PLPP1: variants seen among roughly 807,000 people sequenced by gnomAD.
PLPP1 encodes lipid phosphate phosphohydrolase 1a.
A neutral mutation model predicts 31.2 loss-of-function variants in PLPP1; 24 were observed. That is an observed-to-expected ratio of 0.77 (90% CI 0.56 to 1.08). The LOEUF (loss-of-function observed/expected upper bound fraction) is 1.08, where lower values mean the gene tolerates loss of function less well. Among genes scored for constraint, PLPP1 ranks in the 50% least tolerant of loss-of-function variants. The pLI is 0.00. For synonymous variants in PLPP1, 146 were observed against 126.3 expected (o/e 1.16, Z -1.05); for missense variants, 319 against 342.7 (o/e 0.93, Z 0.55).
chr5:55,453,308 G>T (rs1751933504), intron 3 of PLPP1, among the ~76,000 whole-genome samples: 1 of 152,128 alleles, frequency 6.6e-6, no homozygotes, highest in Non-Finnish European at 1.5e-5. Flanking sequence ...AAGCCACTAA[G>T]TTATCTAATT....
chr5:55,501,918 C>T (rs1056785993), intron 1 of PLPP1, among the ~76,000 whole-genome samples: 1 of 151,608 alleles, frequency 6.6e-6, no homozygotes, highest in Non-Finnish European at 1.5e-5. Flanking sequence ...GGGATAAATA[C>T]AAGCCATAAC....
intron 3 of PLPP1, among the ~76,000 whole-genome samples, chr5:55,447,186 C>A (rs987446214): frequency 6.6e-6 from 1 of 152,194 alleles, no homozygotes; most frequent in Admixed American, 6.5e-5. Context: ...GAAATAGAAG[C>A]AGGCTTTTTT....
At chr5:55,533,178 G>A (rs1210656770) in intron 1 of PLPP1, among the ~76,000 whole-genome samples, 2 of 151,914 alleles carry the variant, frequency 1.3e-5, no homozygotes, top group Non-Finnish European at 2.9e-5. Flanking sequence ...GAGGTCAGGA[G>A]TTCGAGACCA....
chr5:55,485,397 C>T (rs1474563532), intron 1 of PLPP1, among the ~76,000 whole-genome samples: 1 of 152,058 alleles, frequency 6.6e-6, no homozygotes, highest in Non-Finnish European at 1.5e-5. Context: ...TAGTCAGCTA[C>T]GTAGACTGCT....
At chr5:55,469,897 T>C (rs1399913535) in intron 2 of PLPP1, among the ~76,000 whole-genome samples, 1 of 152,196 alleles carries the variant, frequency 6.6e-6, no homozygotes, top group African/African-American at 2.4e-5. Flanking sequence ...AAACCTCATA[T>C]CACCAGAGTG....
At chr5:55,432,826 G>C (rs1467350887) in intron 4 of PLPP1, among the ~76,000 whole-genome samples, 1 of 151,292 alleles carries the variant, frequency 6.6e-6, no homozygotes, top group African/African-American at 2.4e-5. Context: ...CCTGTCCACA[G>C]GAACTACGCA....
intron 1 of PLPP1, chr5:55,530,197 A>G (rs1579990250): frequency 1.5e-6 from 2 of 1,344,922 alleles, no homozygotes; most frequent in African/African-American, 1.4e-5. Context: ...GCAGTTTGAC[A>G]TTGAGTTTCT....
At position 55,463,856 on chromosome 5, in the gene PLPP1, C is replaced by G. The variant is rs546142788; in HGVS notation, c.491+4013G>C. Among the ~76,000 whole-genome samples the G allele has an allele frequency of 2.0e-5, 3 of 151,010 alleles. No homozygotes were observed. In the East Asian group the frequency reaches 5.8e-4, roughly 29 times the overall value. ...AAATAAGAAAATACATAGCAAGCCACAGATTGAGAGAAAATATTTTCAAAA... is the reference window on the plus strand; with the variant it reads ...AAATAAGAAAATACATAGCAAGCCAGAGATTGAGAGAAAATATTTTCAAAA... On this transcript the variant is annotated intron_variant, in intron 3 of 5. Transcript: ENST00000307259.
chr5:55,437,812 TG>T (rs2111694771), intron 4 of PLPP1, among the ~76,000 whole-genome samples: 1 of 152,354 alleles, frequency 6.6e-6, no homozygotes, highest in South Asian at 2.1e-4. Context: ...TCGTAGGCTA[TG>T]GGCCATGAGT....
chr5:55,430,664 G>A (rs367750791), intron 4 of PLPP1, among the ~76,000 whole-genome samples: 1 of 152,068 alleles, frequency 6.6e-6, no homozygotes, highest in South Asian at 2.1e-4. Flanking sequence ...ACCGAAATAC[G>A]GATTCAAGAA....
intron 4 of PLPP1, among the ~76,000 whole-genome samples, chr5:55,438,073 G>C (rs766020587): frequency 6.6e-6 from 1 of 152,164 alleles, no homozygotes; most frequent in Non-Finnish European, 1.5e-5. Context: ...ATAGATACAG[G>C]AATTTCATAA....
chr5:55,464,177 TGTTCAAGAAAAAATAAAAGTATA>T (rs1249043997), intron 3 of PLPP1, among the ~76,000 whole-genome samples: 88 of 151,784 alleles, frequency 5.8e-4, no homozygotes, highest in Non-Finnish European at 9.9e-4. Context: ...CCTAGATATT[TGTTCAAGAAAAAATAAAAGTATA>T]TATTACTGTA....
At chr5:55,523,781 A>G (rs1033054228) in intron 1 of PLPP1, among the ~76,000 whole-genome samples, 2 of 152,066 alleles carry the variant, frequency 1.3e-5, no homozygotes, top group Non-Finnish European at 2.9e-5. Flanking sequence ...CTATGCTTGG[A>G]ATTTTCCCCC....
intron 1 of PLPP1, among the ~76,000 whole-genome samples, chr5:55,477,388 T>A (rs2111816650): frequency 1.3e-5 from 1 of 78,732 alleles, no homozygotes; most frequent in East Asian, 2.8e-4. Context: ...CTACTTCTTT[T>A]TTCTTTTCTT....
intron 1 of PLPP1, among the ~76,000 whole-genome samples, chr5:55,480,040 CAA>C (rs1422096366): frequency 2.6e-5 from 4 of 152,130 alleles, no homozygotes; most frequent in African/African-American, 4.8e-5. Context: ...ACACAGTGTA[CAA>C]AAGTGTGGAG....
At chr5:55,476,813 A>G (rs1752560261) in intron 1 of PLPP1, among the ~76,000 whole-genome samples, 1 of 152,206 alleles carries the variant, frequency 6.6e-6, no homozygotes, top group African/African-American at 2.4e-5. Context: ...CACAAATATC[A>G]AATCTGTTCA....
intron 1 of PLPP1, among the ~76,000 whole-genome samples, chr5:55,517,462 G>A (rs955415445): frequency 1.6e-4 from 25 of 152,110 alleles, no homozygotes. Context: ...CTCCCAAAGT[G>A]CTGGGAATAC....
chr5:55,512,408 T>C (rs1032168909), intron 1 of PLPP1, among the ~76,000 whole-genome samples: 1 of 149,972 alleles, frequency 6.7e-6, no homozygotes, highest in African/African-American at 2.5e-5. Flanking sequence ...GAAGTGGAGG[T>C]TGTAGTGAGC....
At chr5:55,503,231 G>T (rs1349710576) in intron 1 of PLPP1, among the ~76,000 whole-genome samples, 3 of 152,170 alleles carry the variant, frequency 2.0e-5, no homozygotes, top group African/African-American at 7.2e-5. Context: ...GGCATTTACA[G>T]TTTTGTAATT....
Sources: allele counts gnomAD v4.1 joint callset (sites outside exome capture counted in the v4.1 genomes callset), GRCh38; gene constraint gnomAD v4.1.1; transcripts MANE v1.5; gene names NCBI Gene and HGNC (gene_info 2026-07-23, HGNC 2026-07-21).